ABCD4: variants seen among roughly 807,000 people sequenced by gnomAD.
The protein encoded by ABCD4 is lysosomal cobalamin transporter ABCD4.
Under a neutral mutation model 86.3 loss-of-function variants are expected in ABCD4, and 53 were observed. That is an observed-to-expected ratio of 0.61 (90% CI 0.49 to 0.77). ABCD4 has a LOEUF of 0.77. Ranked by LOEUF, ABCD4 falls within the 30% of genes least tolerant of loss-of-function variation. The pLI, the probability that ABCD4 is intolerant of heterozygous loss-of-function variation, is 0.00. For missense variants in ABCD4, 757 were observed against 764.5 expected (o/e 0.99, Z 0.12); for synonymous variants, 328 against 313.6 (o/e 1.05, Z -0.49).
chr14:74,286,483 A>G lies in ABCD4; in HGVS notation c.1799T>C (p.Leu600Pro). The part of the protein sequence containing the change: ...LKLCGGGRWE[L>P]MRIKVE ...GCTTCATTCCACTTTGATTCTCATCAGCTCCCATCTTCCTCCTCCACAGAG... is the reference window on the plus strand; with the variant it reads ...GCTTCATTCCACTTTGATTCTCATCGGCTCCCATCTTCCTCCTCCACAGAG... Residue 600 changes from leucine (L) to proline (P), a missense_variant, in exon 19 of 19, where the codon CTG becomes CCG. By Grantham distance (98) the Leu-to-Pro change is moderately conservative. Coordinates refer to ENST00000356924, the MANE Select transcript of ABCD4 (RefSeq NM_005050.4). 6.2e-7 allele frequency: 1 copy of G among 1,614,228 alleles called. No homozygotes were observed. Among genetic ancestry groups the G allele is most frequent in the Non-Finnish European group, 8.5e-7 (1 of 1,180,048 alleles).
In ABCD4 at chr14:74,286,776, C is replaced by T. The variant is rs1480166445; in HGVS notation, c.1677G>A (p.Glu559=). Residue 559 remains glutamate, a synonymous_variant, in exon 18 of 19, where the codon GAG becomes GAA. Coordinates refer to ENST00000356924, the MANE Select transcript of ABCD4 (RefSeq NM_005050.4). ...EATSALTEEV[E]SELYRIGQQL... ...GCTGGCCGATGCGATAGAGCTCGCT[C>T]TCCACTTCCTCTGTCAGGGCACTGG... 6.2e-7 allele frequency: 1 copy of T among 1,614,132 alleles called. No individual in the cohort carries two copies. The highest frequency in any genetic ancestry group is 1.1e-5 in the South Asian group (1 of 91,080).
In ABCD4 at chr14:74,292,758, A is replaced by G. The variant is rs2081886326; in HGVS notation, c.926T>C (p.Leu309Pro). The G allele has an allele frequency of 6.2e-7, 1 of 1,613,940 alleles. No homozygotes were observed. The highest frequency in any genetic ancestry group is 1.1e-5 in the South Asian group (1 of 91,052). The change falls in exon 9 of 19, where the codon CTG becomes CCG. Residue 309 changes from leucine (L) to proline (P), a missense_variant. Physicochemically the swap from Leu to Pro is moderately conservative, Grantham distance 98. Coordinates refer to ENST00000356924, the MANE Select transcript of ABCD4 (RefSeq NM_005050.4). ...GDLSPAELST[L>P]VSKNAFVCIY... is the part of the protein sequence containing the mutation. ...AAGAGGGAGTCTCACCTTGCTGACC[A>G]GGGTGCTAAGCTCTGCGGGACTCAG...
In ABCD4 at chr14:74,300,196, T is replaced by C; in HGVS notation, c.111A>G (p.Ser37=). The C allele has an allele frequency of 6.2e-7, 1 of 1,613,612 alleles. No homozygotes were observed. The highest frequency in any genetic ancestry group is 1.3e-5 in the African/African-American group (1 of 74,882). ...GGGTCAGGAACATCAAGGCATTTTGTGATGACCAAGAAGGAAACAAAACCT... is the reference window on the plus strand; with the variant it reads ...GGGTCAGGAACATCAAGGCATTTTGCGATGACCAAGAAGGAAACAAAACCT... ...ILKVLFPSWS[S]QNALMFLTLL... is the part of the protein sequence containing the mutation. The change falls in exon 2 of 19, where the codon TCA becomes TCG. Residue 37 remains serine (S), a synonymous_variant. Coordinates refer to ENST00000356924, the MANE Select transcript of ABCD4 (RefSeq NM_005050.4).
chr14:74,292,965 A>G (rs1022938680), intron 8 of ABCD4, 96 bp from the exon 9 acceptor site: 4 of 1,570,478 alleles, frequency 2.5e-6, no homozygotes, highest in South Asian at 1.2e-5. Flanking sequence ...AAGTAGGGCC[A>G]CGTGGACTCT....
In ABCD4 at chr14:74,292,646, G is replaced by T; in HGVS notation, c.937-4C>A. On this transcript the variant is annotated splice_polypyrimidine_tract_variant and splice_region_variant and intron_variant, in intron 9 of 18. Coordinates refer to ENST00000356924, the MANE Select transcript of ABCD4 (RefSeq NM_005050.4). ...GGTAGATGCACACAAAGGCATTCTG[G>T]ACAGGATGGGAAGAGGTCAAGCAGG... The T allele has an allele frequency of 6.2e-7, 1 of 1,614,058 alleles. No individual in the cohort carries two copies. Among genetic ancestry groups the T allele is most frequent in the South Asian group, 1.1e-5 (1 of 91,060 alleles).
chr14:74,300,819 G>C (rs1275750950), intron 1 of ABCD4, among the ~76,000 whole-genome samples: 2 of 152,120 alleles, frequency 1.3e-5, no homozygotes, highest in African/African-American at 4.8e-5. Flanking sequence ...AAGACTTGGA[G>C]GTGGTATCTG....
intron 14 of ABCD4, 25 bp downstream of exon 14, chr14:74,289,458 C>G: frequency 6.2e-7 from 1 of 1,613,496 alleles, no homozygotes. Flanking sequence ...AAGGAGAGGA[C>G]ATGACCTAAG....
At chr14:74,288,985 A>G in intron 14 of ABCD4, 1 of 896,246 alleles carries the variant, frequency 1.1e-6, no homozygotes, top group Non-Finnish European at 1.6e-6. Context: ...GGTGGCGTGC[A>G]CCTGTAGCCC....
Position 74,292,310 on chromosome 14 carries a change from G to A in ABCD4, c.1095C>T (p.Gly365=), listed in dbSNP as rs546298874. Residue 365 remains glycine, a synonymous_variant, in exon 11 of 19, where the codon GGC becomes GGT. Coordinates refer to ENST00000356924, the MANE Select transcript of ABCD4 (RefSeq NM_005050.4). ...SLKSQDCEIL[G]ESEWGLDTPP... is the part of the protein sequence containing the mutation. ...ACGTGTCCAAGCCCCACTCGCTCTC[G>A]CCCAGGATCTCGCAGTCCTGTGACT... 1.9e-6 allele frequency: 3 copies of A among 1,613,994 alleles called. No individual in the cohort carries two copies. The highest frequency in any genetic ancestry group is 1.1e-5 in the South Asian group (1 of 91,078).
rs772552767 is a variant in ABCD4 at position 74,296,326 on chromosome 14, G to T, written c.542+7C>A. 1.9e-6 allele frequency: 3 copies of T among 1,612,902 alleles called. No individual in the cohort carries two copies. Among genetic ancestry groups the T allele is most frequent in the South Asian group, 2.2e-5 (2 of 91,066 alleles). ...AAACACCAGGCTGGGGAGGAGGGAG[G>T]CTTCACCTTTGGAAGCACTGGTAAG... On this transcript the variant is annotated splice_region_variant and intron_variant, in intron 5 of 18. Transcript: ENST00000356924.
At position 74,287,839 on chromosome 14, in the gene ABCD4, C is replaced by A. The variant is rs745326222; in HGVS notation, c.1607G>T (p.Arg536Leu). Reference protein sequence around the residue: ...PGEMQRLSFARLFYLQPKYAV... With the variant: ...PGEMQRLSFALLFYLQPKYAV... ...GTACTTCGGCTGCAGGTAGAAGAGT[C>A]GGGCAAAGGAGAGCCGTTGCATCTC... Residue 536 changes from arginine to leucine, a missense_variant, in exon 17 of 19, where the codon CGA becomes CTA. Physicochemically the swap from Arg to Leu is moderately radical, Grantham distance 102 (BLOSUM62 -2). Coordinates refer to ENST00000356924, the MANE Select transcript of ABCD4 (RefSeq NM_005050.4). 6.2e-7 allele frequency: 1 copy of A among 1,612,886 alleles called. No homozygotes were observed. The highest frequency in any genetic ancestry group is 8.5e-7 in the Non-Finnish European group (1 of 1,179,498).
At chr14:74,296,716 G>A (rs906916464) in intron 4 of ABCD4, 37 of 435,018 alleles carry the variant, frequency 8.5e-5, no homozygotes, top group African/African-American at 7.4e-4. Context: ...GTACCCAGGG[G>A]CCTGAGCCAG....
At chr14:74,287,186 T>C (rs1283221767) in intron 17 of ABCD4, among the ~76,000 whole-genome samples, 1 of 152,106 alleles carries the variant, frequency 6.6e-6, no homozygotes, top group Non-Finnish European at 1.5e-5. Flanking sequence ...ATTCATTTGA[T>C]GGTGGAGCCA....
At chr14:74,289,621 G>C (rs2080899519) in intron 13 of ABCD4, 102 bp from the exon 14 acceptor site, 1 of 1,536,868 alleles carries the variant, frequency 6.5e-7, no homozygotes, top group Non-Finnish European at 8.7e-7. Flanking sequence ...CTCCCAAGGA[G>C]GAGAGGTGGG....
rs74063838 is a variant in ABCD4, at chr14:74,297,705, G to A, written c.425+225C>T. 0.013 allele frequency: 16,332 copies of A among 1,243,578 alleles called. 1,705 individuals are homozygous for A. The African/African-American group carries it at 0.23, about 17-fold the overall frequency. 77.0% of individuals were successfully genotyped at this position (1,243,578 alleles called of 1,614,324 possible). A position where few individuals can be genotyped will look rare whatever the true frequency, so the allele number is the denominator to read the frequency against. On this transcript the variant is annotated intron_variant, in intron 4 of 18. Coordinates refer to ENST00000356924, the MANE Select transcript of ABCD4 (RefSeq NM_005050.4). ...CTCCTGAGTTGTTGGGACTACAGGT[G>A]CATGCCACTGCACCTGGCAGGCTTC...
intron 4 of ABCD4, 123 bp from the exon 5 acceptor site, chr14:74,296,572 A>G: frequency 1.2e-6 from 1 of 822,640 alleles, no homozygotes; most frequent in East Asian, 2.6e-5. Context: ...CACTGACCCT[A>G]TGGGAAGAGG....
intron 3 of ABCD4, among the ~76,000 whole-genome samples, chr14:74,298,890 T>G (rs890073854): frequency 1.3e-5 from 2 of 152,212 alleles, no homozygotes; most frequent in African/African-American, 2.4e-5. Context: ...GGCACCTATG[T>G]GCTAAGCACT....
chr14:74,285,374 C>T lies in ABCD4; in HGVS notation c.*1087G>A, dbSNP rs1220040491. On this transcript the variant is annotated 3_prime_UTR_variant, in exon 19 of 19. Coordinates refer to ENST00000356924, the MANE Select transcript of ABCD4 (RefSeq NM_005050.4). ...TTTACAAAATGAACAAGCCTCAGGC[C>T]CAGAGTCTATGCAGGCAACAGCATC... is the stretch of plus-strand genomic sequence containing the variant. The T allele has an allele frequency of 6.6e-6, 1 of 152,090 alleles. No individual in the cohort carries two copies. Among genetic ancestry groups the T allele is most frequent in the Non-Finnish European group, 1.5e-5 (1 of 68,028 alleles). 9.4% of individuals were successfully genotyped at this position (152,090 alleles called of 1,614,324 possible).
intron 1 of ABCD4, among the ~76,000 whole-genome samples, chr14:74,302,267 C>G (rs2084805808): frequency 6.6e-6 from 1 of 152,168 alleles, no homozygotes; most frequent in South Asian, 2.1e-4. Flanking sequence ...CTCATGCAAG[C>G]ACTCAGAAGT....
Sources: allele counts gnomAD v4.1 joint callset (sites outside exome capture counted in the v4.1 genomes callset), GRCh38; gene constraint gnomAD v4.1.1; transcripts MANE v1.5; gene names NCBI Gene and HGNC (gene_info 2026-07-23, HGNC 2026-07-21).